NRG1: variants seen among roughly 807,000 people sequenced by gnomAD.
The protein encoded by NRG1 is pro-neuregulin-1, membrane-bound isoform.
A neutral mutation model predicts 63.8 loss-of-function variants in NRG1; 18 were observed. The ratio of observed to expected loss-of-function variants is 0.28; its 90% CI spans 0.19 to 0.42. The LOEUF is 0.42. Ranked by LOEUF, NRG1 falls within the 10% of genes least tolerant of loss-of-function variation. NRG1 has a pLI of 1.00. For synonymous variants in NRG1, 302 were observed against 301.3 expected (o/e 1.00, Z -0.02); for missense variants, 762 against 814.7 (o/e 0.94, Z 0.79).
At chr8:32,214,260 T>C (rs1844992698) in intron 1 of NRG1, among the ~76,000 whole-genome samples, 1 of 152,180 alleles carries the variant, frequency 6.6e-6, no homozygotes, top group Non-Finnish European at 1.5e-5. Flanking sequence ...AAGTGGCGTA[T>C]TTTGGGGTGG....
At chr8:32,209,538 T>C (rs1005293629) in intron 1 of NRG1, among the ~76,000 whole-genome samples, 13 of 152,186 alleles carry the variant, frequency 8.5e-5, no homozygotes, top group African/African-American at 1.9e-4. Context: ...TAGTATATCA[T>C]GTAGCAGGGT....
At chr8:31,796,269 T>A (rs983238146) in intron 1 of NRG1, among the ~76,000 whole-genome samples, 4 of 152,058 alleles carry the variant, frequency 2.6e-5, no homozygotes, top group African/African-American at 9.7e-5. Context: ...AGTGATCTTT[T>A]TATTCTGTTT....
chr8:32,007,789 TA>T (rs1463599526), intron 1 of NRG1, among the ~76,000 whole-genome samples: 2 of 151,962 alleles, frequency 1.3e-5, no homozygotes, highest in African/African-American at 4.8e-5. Context: ...ATCTATGACT[TA>T]GTTCCAAGCT....
chr8:32,694,020 A>C (rs1812586339), intron 5 of NRG1, among the ~76,000 whole-genome samples: 1 of 152,192 alleles, frequency 6.6e-6, no homozygotes, highest in South Asian at 2.1e-4. Context: ...CTTCCTGTCC[A>C]GCCAAAGGAG....
At chr8:32,605,408 T>C (rs1003117411) in intron 2 of NRG1, among the ~76,000 whole-genome samples, 154 bp from the exon 3 acceptor site, 1 of 152,150 alleles carries the variant, frequency 6.6e-6, no homozygotes, top group African/African-American at 2.4e-5. Flanking sequence ...GGTAAAATCA[T>C]GAGGTCAGAT....
rs78950956 is a variant in NRG1, at chr8:31,694,261, G to A, written c.37+54830G>A. Among the ~76,000 whole-genome samples the A allele has an allele frequency of 4.5e-3, 689 of 152,288 alleles. 9 individuals are homozygous for A. Among genetic ancestry groups the A allele is most frequent in the African/African-American group, 0.016 (646 of 41,558 alleles). ...TCTCTCTTGAAGTCTCTCTATGCTA[G>A]AAACATCATCTGATGTGGTATTCGA... is the stretch of plus-strand genomic sequence containing the variant. On this transcript the variant is annotated intron_variant, in intron 1 of 10. Coordinates refer to the NRG1 transcript ENST00000519301.
rs112052064 is a variant in NRG1 at position 32,686,300 on chromosome 8, C to T, written c.503-41649C>T. Among the ~76,000 whole-genome samples, 9 of 152,098 alleles carry T rather than the reference C, an allele frequency of 5.9e-5. 1 individual carries two copies. Among genetic ancestry groups the T allele is most frequent in the African/African-American group, 2.2e-4 (9 of 41,492 alleles). ...TTGAAAGTTAGAAAAAGAAAATGAG[C>T]CTGAACTGAAAATCAAACAAAAAGA... On this transcript the variant is annotated intron_variant, in intron 5 of 11. Transcript: ENST00000356819.
chr8:32,220,834 C>T (rs1429422004), intron 1 of NRG1: 1 of 152,218 alleles, frequency 6.6e-6, no homozygotes, highest in East Asian at 1.9e-4. Context: ...GGGAGGGAAT[C>T]CCAGGACCTG....
intron 5 of NRG1, among the ~76,000 whole-genome samples, chr8:32,717,487 G>A (rs1036129852): frequency 9.2e-5 from 14 of 152,200 alleles, no homozygotes; most frequent in Admixed American, 8.5e-4. Context: ...CGTGAACTTG[G>A]GAACAAGGAA....
At chr8:32,359,311 G>A (rs921555605) in intron 1 of NRG1, among the ~76,000 whole-genome samples, 3 of 152,102 alleles carry the variant, frequency 2.0e-5, no homozygotes, top group Middle Eastern at 3.2e-3. Flanking sequence ...AATCACATAT[G>A]CAGATTGATC....
At chr8:32,559,252 A>AAAAAAAAAAAAG (rs1835868691) in intron 1 of NRG1, among the ~76,000 whole-genome samples, 2 of 150,174 alleles carry the variant, frequency 1.3e-5, no homozygotes, top group African/African-American at 4.9e-5. Context: ...ATGTAAAAAA[A>AAAAAAAAAAAAG]AAAAAAAAAA....
At chr8:32,421,960 G>A (rs1413554960) in intron 1 of NRG1, among the ~76,000 whole-genome samples, 2 of 152,070 alleles carry the variant, frequency 1.3e-5, no homozygotes, top group South Asian at 2.1e-4. Flanking sequence ...ATAACAGAAC[G>A]GAACAATAGA....
intron 1 of NRG1, among the ~76,000 whole-genome samples, chr8:31,732,696 G>T (rs1814217403): frequency 6.6e-6 from 1 of 152,028 alleles, no homozygotes; most frequent in African/African-American, 2.4e-5. Context: ...TTCAAAACCA[G>T]CCTGGCTGGT....
At chr8:32,014,301 T>C (rs1815175502) in intron 1 of NRG1, among the ~76,000 whole-genome samples, 2 of 152,192 alleles carry the variant, frequency 1.3e-5, no homozygotes, top group African/African-American at 4.8e-5. Context: ...AGGTATTTTA[T>C]TCTCTTTGAA....
At chr8:31,841,270 G>A (rs1406369443) in intron 1 of NRG1, among the ~76,000 whole-genome samples, 1 of 152,102 alleles carries the variant, frequency 6.6e-6, no homozygotes, top group Non-Finnish European at 1.5e-5. Flanking sequence ...AGACACAGCA[G>A]AAGTGTAGAG....
chr8:32,200,462 T>C (rs1256645799), intron 1 of NRG1, among the ~76,000 whole-genome samples: 2 of 152,166 alleles, frequency 1.3e-5, no homozygotes, highest in Non-Finnish European at 2.9e-5. Context: ...TACTTTTCTC[T>C]CATTTGCTCC....
At chr8:32,663,950 TC>T (rs1803504872) in intron 5 of NRG1, among the ~76,000 whole-genome samples, 1 of 152,224 alleles carries the variant, frequency 6.6e-6, no homozygotes. Flanking sequence ...CATTAAACTT[TC>T]CTCCTTAGTC....
intron 5 of NRG1, among the ~76,000 whole-genome samples, chr8:32,639,093 TA>T (rs1188106238): frequency 5.9e-5 from 9 of 152,312 alleles, no homozygotes; most frequent in African/African-American, 2.2e-4. Context: ...TTTCTCTGGC[TA>T]AGGTCTTTTC....
At chr8:32,088,826 C>T (rs771734768) in intron 1 of NRG1, among the ~76,000 whole-genome samples, 3 of 151,950 alleles carry the variant, frequency 2.0e-5, no homozygotes, top group African/African-American at 7.2e-5. Context: ...CCCAGGTCAT[C>T]ACGTTTAGCC....
Sources: allele counts gnomAD v4.1 joint callset (sites outside exome capture counted in the v4.1 genomes callset), GRCh38; gene constraint gnomAD v4.1.1; transcripts MANE v1.5; gene names NCBI Gene and HGNC (gene_info 2026-07-23, HGNC 2026-07-21).